FGFR4: variants seen among roughly 807,000 people sequenced by gnomAD.
The protein encoded by FGFR4 is fibroblast growth factor receptor 4, also known as hydroxyaryl-protein kinase.
FGFR4 carries 63 observed loss-of-function variants against 89.9 expected under a neutral mutation model. The ratio of observed to expected loss-of-function variants is 0.70; its 90% CI spans 0.57 to 0.86. The LOEUF (loss-of-function observed/expected upper bound fraction) is 0.86. Ranked by LOEUF, FGFR4 falls within the 40% of genes least tolerant of loss-of-function variation. FGFR4 has a pLI of 0.00. For missense variants in FGFR4, 928 were observed against 1,106.7 expected (o/e 0.84, Z 2.29); for synonymous variants, 486 against 479.4 (o/e 1.01, Z -0.18).
Position 177,087,887 on chromosome 5 carries a change from G to A in FGFR4, c.-54+810G>A, listed in dbSNP as rs1784207132. Among the ~76,000 whole-genome samples the A allele has an allele frequency of 6.6e-6, 1 of 152,154 alleles. No individual in the cohort carries two copies. The highest frequency in any genetic ancestry group is 2.4e-5 in the African/African-American group (1 of 41,436). On this transcript the variant is annotated intron_variant, in intron 1 of 17. Coordinates refer to ENST00000292408, the MANE Select transcript of FGFR4 (RefSeq NM_213647.3). This position sits in a 1 kb window ranked among gnomAD's most constrained non-coding sequence, Gnocchi z 6.1. ...AGCCAATGGCTTCAGCGCTCCTGAA[G>A]GGGCAGACGGTGTGACCAAAGAGAT...
Position 177,097,415 on chromosome 5 carries a change from C to T in FGFR4, c.2259+18C>T, listed in dbSNP as rs1784645921. On this transcript the variant is annotated intron_variant, in intron 17 of 17. Transcript: ENST00000292408. ...CTGAGGAGGTACAGCCCCTCCCACC[C>T]ACCACCTCCCTCTGCCTGCTCCCCT... The T allele has an allele frequency of 6.2e-7, 1 of 1,608,214 alleles. No homozygotes were observed. Among genetic ancestry groups the T allele is most frequent in the Non-Finnish European group, 8.5e-7 (1 of 1,176,918 alleles).
At chr5:177,091,170 C>T in intron 5 of FGFR4, 66 bp downstream of exon 5, 1 of 1,473,124 alleles carries the variant, frequency 6.8e-7, no homozygotes, top group Non-Finnish European at 9.1e-7. Context: ...CCCCTCATAC[C>T]TACAAGCATA....
Position 177,097,960 on chromosome 5 carries a change from A to C in FGFR4, c.*284A>C. The C allele has an allele frequency of 8.6e-6, 3 of 348,342 alleles. No homozygotes were observed. Among genetic ancestry groups the C allele is most frequent in the Non-Finnish European group, 1.6e-5 (3 of 191,550 alleles). 21.6% of individuals were successfully genotyped at this position (348,342 alleles called of 1,614,324 possible). A position where few individuals can be genotyped will look rare whatever the true frequency, so the allele number is the denominator to read the frequency against. ...GCTATGCTAAACCTCCTGCCTCCCAATACCAGCAGGAGGTTCTGGGCCTCT... is the reference window on the plus strand; with the variant it reads ...GCTATGCTAAACCTCCTGCCTCCCACTACCAGCAGGAGGTTCTGGGCCTCT... On this transcript the variant is annotated 3_prime_UTR_variant, in exon 18 of 18. Coordinates refer to ENST00000292408, the MANE Select transcript of FGFR4 (RefSeq NM_213647.3).
In FGFR4 at chr5:177,095,290, T is replaced by C. The variant is rs1431311884; in HGVS notation, c.1520-40T>C. On this transcript the variant is annotated intron_variant, in intron 11 of 17. Coordinates refer to ENST00000292408, the MANE Select transcript of FGFR4 (RefSeq NM_213647.3). This position sits in a 1 kb window ranked among gnomAD's most constrained non-coding sequence, Gnocchi z 5.7. ...TGCCTCTGCATGCTCCCTCGTGCAG[T>C]TGGAGGGCAGCCTCTTCACCCCGTC... 4 of 1,551,624 alleles carry C rather than the reference T, an allele frequency of 2.6e-6. No individual in the cohort carries two copies. Among genetic ancestry groups the C allele is most frequent in the Non-Finnish European group, 3.6e-6 (4 of 1,123,634 alleles).
Position 177,093,088 on chromosome 5 carries a change from C to G in FGFR4, c.1058-50C>G, listed in dbSNP as rs2149734786. 1 of 1,605,850 alleles carries G rather than the reference C, an allele frequency of 6.2e-7. No homozygotes were observed. Among genetic ancestry groups the G allele is most frequent in the Non-Finnish European group, 8.5e-7 (1 of 1,172,896 alleles). ...AGTTAGGGTGCACGGGGCGGCCAGTCTCACCACTGACCAGTTTGTCTGTCT... is the reference window on the plus strand; with the variant it reads ...AGTTAGGGTGCACGGGGCGGCCAGTGTCACCACTGACCAGTTTGTCTGTCT... On this transcript the variant is annotated intron_variant, in intron 8 of 17. Transcript: ENST00000292408. This position sits in a 1 kb window ranked among gnomAD's most constrained non-coding sequence, Gnocchi z 5.8.
chr5:177,089,402 G>A, intron 1 of FGFR4, 148 bp from the exon 2 acceptor site: 1 of 874,804 alleles, frequency 1.1e-6, no homozygotes, highest in Non-Finnish European at 1.7e-6. Flanking sequence ...CTACAGAGCT[G>A]GTTCCAGTCT....
At chr5:177,090,324 TTTGTACA>T in intron 2 of FGFR4, 59 bp from the exon 3 acceptor site, 1 of 1,597,994 alleles carries the variant, frequency 6.3e-7, no homozygotes, top group East Asian at 2.2e-5. Context: ...CGGTGTGTTC[TTTGTACA>T]CAGGAGGCTG....
chr5:177,090,027 G>A (rs1437526993), intron 2 of FGFR4: 6 of 663,376 alleles, frequency 9.0e-6, no homozygotes, highest in South Asian at 1.5e-5. Context: ...CAGCATGTGT[G>A]GTATAAGCAT....
intron 5 of FGFR4, 28 bp downstream of exon 5, chr5:177,091,132 G>T: frequency 6.6e-7 from 1 of 1,518,302 alleles, no homozygotes; most frequent in Non-Finnish European, 8.9e-7. Context: ...AAGACCGTCT[G>T]CTCCCCCATT....
Position 177,095,215 on chromosome 5 carries a change from T to C in FGFR4, c.1520-115T>C, listed in dbSNP as rs779452025. ...TCAAGGCCACACAGCCTAGCAAGGA[T>C]TCAGCCCTAGACCTACGTAGCCCTG... On this transcript the variant is annotated intron_variant, in intron 11 of 17. Coordinates refer to ENST00000292408, the MANE Select transcript of FGFR4 (RefSeq NM_213647.3). The surrounding 1 kb of genome is among the most constrained non-coding windows in gnomAD (Gnocchi z 5.7). The C allele has an allele frequency of 1.1e-5, 9 of 833,300 alleles. No individual in the cohort carries two copies. In the South Asian group the frequency reaches 1.3e-4, roughly 12 times the overall value. 51.6% of individuals were successfully genotyped at this position (833,300 alleles called of 1,614,324 possible). A position where few individuals can be genotyped will look rare whatever the true frequency, so the allele number is the denominator to read the frequency against.
In FGFR4 at chr5:177,087,987, A is replaced by C. The variant is rs1339943309; in HGVS notation, c.-54+910A>C. Among the ~76,000 whole-genome samples the C allele has an allele frequency of 6.6e-6, 1 of 152,136 alleles. No homozygotes were observed. The highest frequency in any genetic ancestry group is 2.4e-5 in the African/African-American group (1 of 41,426). On this transcript the variant is annotated intron_variant, in intron 1 of 17. Coordinates refer to ENST00000292408, the MANE Select transcript of FGFR4 (RefSeq NM_213647.3). This position sits in a 1 kb window ranked among gnomAD's most constrained non-coding sequence, Gnocchi z 6.1. ...GCACAGGTAGCCATTAAGGGCTTGCAAGCTGGGGGGCATGACATGGCAGAC... is the reference window on the plus strand; with the variant it reads ...GCACAGGTAGCCATTAAGGGCTTGCCAGCTGGGGGGCATGACATGGCAGAC...
Position 177,093,025 on chromosome 5 carries a change from T to G in FGFR4, c.1058-113T>G. 2 of 1,432,848 alleles carry G rather than the reference T, an allele frequency of 1.4e-6. No individual in the cohort carries two copies. The highest frequency in any genetic ancestry group is 1.9e-6 in the Non-Finnish European group (2 of 1,029,000). The allele number at this position is 1,432,848 out of a possible 1,614,324, so 88.8% of individuals were successfully genotyped here. A position where few individuals can be genotyped will look rare whatever the true frequency, so the allele number is the denominator to read the frequency against. On this transcript the variant is annotated intron_variant, in intron 8 of 17. Transcript: ENST00000292408. This position sits in a 1 kb window ranked among gnomAD's most constrained non-coding sequence, Gnocchi z 5.8. ...CTGGGCATAACTACAGCTTCCTCCGTGTGTGTCCCCACATATGTTGGGAGC... is the reference window on the plus strand; with the variant it reads ...CTGGGCATAACTACAGCTTCCTCCGGGTGTGTCCCCACATATGTTGGGAGC...
chr5:177,091,785 A>T lies in FGFR4; in HGVS notation c.704A>T (p.Tyr235Phe), dbSNP rs749756260. The T allele has an allele frequency of 6.8e-6, 11 of 1,614,192 alleles. 1 individual carries two copies. In the South Asian group the frequency reaches 1.2e-4, roughly 18 times the overall value. The change falls in exon 6 of 18, where the codon TAT becomes TTT. Residue 235 changes from tyrosine to phenylalanine, a missense_variant. Physicochemically the swap from Tyr to Phe is conservative, Grantham distance 22 (BLOSUM62 3). This residue lies in a region of FGFR4 where 741 missense variants were observed against 836.9 expected (regional missense o/e 0.89). Transcript: ENST00000292408. ...LVENAVGSIR[Y>F]NYLLDVLERS... ...GAGAACGCTGTGGGCAGCATCCGCT[A>T]TAACTACCTGCTAGATGTGCTGGGT...
rs1254575384 is a variant in FGFR4, at chr5:177,089,601, A to C, written c.-2A>C. 23 of 1,613,230 alleles carry C rather than the reference A, an allele frequency of 1.4e-5. No homozygotes were observed. The highest frequency in any genetic ancestry group is 1.7e-4 in the Middle Eastern group (1 of 6,058). On this transcript the variant is annotated 5_prime_UTR_variant, in exon 2 of 18. Transcript: ENST00000292408. ...TGGGTCCCTGAGAGCTGTGAGAAGG[A>C]GATGCGGCTGCTGCTGGCCCTGTTG...
rs139461102 is a variant in FGFR4, at chr5:177,095,590, G to A, written c.1688G>A (p.Arg563Gln). The A allele has an allele frequency of 3.2e-5, 52 of 1,607,386 alleles. No individual in the cohort carries two copies. The highest frequency in any genetic ancestry group is 3.5e-5 in the Non-Finnish European group (41 of 1,177,802). Residue 563 changes from arginine to glutamine, a missense_variant, in exon 13 of 18, where the codon CGG (arginine) becomes CAG (glutamine). Around this residue, in one of 5 missense-constraint regions of FGFR4, gnomAD observed 741 missense variants for 836.9 expected, o/e 0.89. Transcript: ENST00000292408. This position sits in a 1 kb window ranked among gnomAD's most constrained non-coding sequence, Gnocchi z 5.7. Reference protein sequence around the residue: ...AAKGNLREFLRARRPPGPDLS... With the variant: ...AAKGNLREFLQARRPPGPDLS... ...AAGGGAAACCTGCGGGAGTTCCTGC[G>A]GGCCCGGCGCCCCCCAGGCCCCGAC...
chr5:177,093,010 C>T lies in FGFR4; in HGVS notation c.1058-128C>T. 1 of 1,381,786 alleles carries T rather than the reference C, an allele frequency of 7.2e-7. No homozygotes were observed. Among genetic ancestry groups the T allele is most frequent in the Non-Finnish European group, 1.0e-6 (1 of 990,764 alleles). 85.6% of individuals were successfully genotyped at this position (1,381,786 alleles called of 1,614,324 possible). A position where few individuals can be genotyped will look rare whatever the true frequency, so the allele number is the denominator to read the frequency against. On this transcript the variant is annotated intron_variant, in intron 8 of 17. Transcript: ENST00000292408. The surrounding 1 kb of genome is among the most constrained non-coding windows in gnomAD (Gnocchi z 5.8). ...TGTGGGTGCCTGGGACTGGGCATAA[C>T]TACAGCTTCCTCCGTGTGTGTCCCC...
rs754621505 is a variant in FGFR4, at chr5:177,093,460, G to T, written c.1306G>T (p.Val436Leu). 3 of 1,613,900 alleles carry T rather than the reference G, an allele frequency of 1.9e-6. No individual in the cohort carries two copies. The highest frequency in any genetic ancestry group is 2.5e-6 in the Non-Finnish European group (3 of 1,180,020). The stretch of plus-strand genomic sequence containing the variant: ...GTCAAGCTCATCCCTGGTACGAGGC[G>T]TGCGTCTCTCCTCCAGCGGCCCCGC... ...GKSSSSLVRG[V>L]RLSSSGPALL... The change falls in exon 10 of 18, where the codon GTG (valine) becomes TTG (leucine). Residue 436 changes from valine to leucine, a missense_variant. Physicochemically the swap from Val to Leu is conservative, Grantham distance 32. Transcript: ENST00000292408. This position sits in a 1 kb window ranked among gnomAD's most constrained non-coding sequence, Gnocchi z 5.8.
Position 177,096,138 on chromosome 5 carries a change from C to T in FGFR4, c.1903C>T (p.Arg635Cys), listed in dbSNP as rs1269001777. ...GAAGATTGCTGACTTTGGGCTGGCCCGCGGCGTCCACCACATTGACTACTA... is the reference window on the plus strand; with the variant it reads ...GAAGATTGCTGACTTTGGGCTGGCCTGCGGCGTCCACCACATTGACTACTA... ...VMKIADFGLA[R>C]GVHHIDYYKK... Residue 635 changes from arginine (R) to cysteine (C), a missense_variant, in exon 14 of 18, where the codon CGC becomes TGC. Coordinates refer to ENST00000292408, the MANE Select transcript of FGFR4 (RefSeq NM_213647.3). The T allele has an allele frequency of 5.0e-6, 8 of 1,614,116 alleles. No homozygotes were observed. Among genetic ancestry groups the T allele is most frequent in the South Asian group, 1.1e-5 (1 of 91,086 alleles).
Position 177,097,960 on chromosome 5 carries a change from A to G in FGFR4, c.*284A>G, listed in dbSNP as rs1581064434. 2.6e-5 allele frequency: 9 copies of G among 348,226 alleles called. No homozygotes were observed. The East Asian group carries it at 3.8e-4, about 15-fold the overall frequency. The allele number at this position is 348,226 out of a possible 1,614,324, so 21.6% of individuals were successfully genotyped here. Reference sequence around the variant, plus strand: ...GCTATGCTAAACCTCCTGCCTCCCAATACCAGCAGGAGGTTCTGGGCCTCT... The same window carrying G: ...GCTATGCTAAACCTCCTGCCTCCCAGTACCAGCAGGAGGTTCTGGGCCTCT... On this transcript the variant is annotated 3_prime_UTR_variant, in exon 18 of 18. Transcript: ENST00000292408.
Sources: gnomAD v4.1 joint callset for allele counts (sites outside exome capture counted in the v4.1 genomes callset) on GRCh38, gnomAD v4.1.1 for gene constraint, gnomAD v4.1.1 regional missense constraint, Gnocchi (gnomAD v3.1) non-coding constraint, MANE v1.5 for transcripts, NCBI Gene and HGNC (gene_info 2026-07-23, HGNC 2026-07-21) for gene names.